ALPK3: variants seen among roughly 807,000 people sequenced by gnomAD.
The protein encoded by ALPK3 is alpha kinase 3.
A neutral mutation model predicts 140.0 loss-of-function variants in ALPK3; 102 were observed. The ratio of observed to expected loss-of-function variants is 0.73; its 90% CI spans 0.62 to 0.86. The LOEUF (loss-of-function observed/expected upper bound fraction) is 0.86. Among genes scored for constraint, ALPK3 ranks in the 40% least tolerant of loss-of-function variants. ALPK3 has a pLI of 0.00. For synonymous variants in ALPK3, 938 were observed against 898.5 expected (o/e 1.04, Z -0.79); for missense variants, 2,254 against 2,208.2 (o/e 1.02, Z -0.42).
chr15:84,840,975 T>C, intron 5 of ALPK3, 43 bp downstream of exon 5: 1 of 1,513,408 alleles, frequency 6.6e-7, no homozygotes, highest in Admixed American at 2.3e-5. Context: ...TCTGGGAAGC[T>C]GACCTCATGG....
At chr15:84,867,862 T>G (rs952722416) in intron 13 of ALPK3, among the ~76,000 whole-genome samples, 2 of 152,110 alleles carry the variant, frequency 1.3e-5, no homozygotes, top group African/African-American at 4.8e-5. Flanking sequence ...GGAGGATTTC[T>G]TGAGCCCAGG....
chr15:84,865,156 A>T (rs1485170198), intron 12 of ALPK3, among the ~76,000 whole-genome samples: 1 of 152,040 alleles, frequency 6.6e-6, no homozygotes, highest in African/African-American at 2.4e-5. Context: ...TTTTAGTTTT[A>T]TTCCTACGCC....
At position 84,864,492 on chromosome 15, in the gene ALPK3, C is replaced by T. The variant is rs890229989; in HGVS notation, c.4550C>T (p.Ala1517Val). ...IYRPANNIPY[A>V]TLEEDLGKPL... ...CGGCCTGCAAACAATATCCCATATG[C>T]TACCCTGGAGGAAGACCTGGGCAAG... The change falls in exon 12 of 14, where the codon GCT becomes GTT. Residue 1517 changes from alanine to valine, a missense_variant. By Grantham distance (64) the Ala-to-Val change is moderately conservative. This residue lies in a region of ALPK3 where 2,088 missense variants were observed against 2,022.9 expected (regional missense o/e 1.03). Coordinates refer to ENST00000258888, the MANE Select transcript of ALPK3 (RefSeq NM_020778.5). The T allele has an allele frequency of 1.2e-6, 2 of 1,614,200 alleles. No homozygotes were observed. The highest frequency in any genetic ancestry group is 8.5e-7 in the Non-Finnish European group (1 of 1,180,032).
chr15:84,842,466 G>C (rs1234890430), intron 5 of ALPK3, among the ~76,000 whole-genome samples: 2 of 152,020 alleles, frequency 1.3e-5, no homozygotes, highest in Non-Finnish European at 2.9e-5. Context: ...GGGGGAACAG[G>C]AGGAAAGCAG....
chr15:84,859,240 C>T lies in ALPK3; in HGVS notation c.3818-3C>T, dbSNP rs758948501. ...TCCCCTCTTGACTGGGCCCTGCTCT[C>T]AGCCCCACAGGTGATCCGGAAGATT... On this transcript the variant is annotated splice_polypyrimidine_tract_variant and splice_region_variant and intron_variant, in intron 6 of 13. Coordinates refer to ENST00000258888, the MANE Select transcript of ALPK3 (RefSeq NM_020778.5). 107 of 1,613,884 alleles carry T rather than the reference C, an allele frequency of 6.6e-5. No individual in the cohort carries two copies. The South Asian group carries it at 1.1e-3, about 17-fold the overall frequency.
In ALPK3 at chr15:84,868,539, GAACT is replaced by G. The variant is rs1408687964; in HGVS notation, c.*88_*91del. 1.5e-5 allele frequency: 20 copies of G among 1,309,002 alleles called. No individual in the cohort carries two copies. The highest frequency in any genetic ancestry group is 2.1e-5 in the Non-Finnish European group (20 of 974,024). 81.1% of individuals were successfully genotyped at this position (1,309,002 alleles called of 1,614,324 possible). The stretch of plus-strand genomic sequence containing the variant: ...ACTGGATGGAGACTTTCCAAATATG[GAACT>G]AACTGGAGAAGGTGCACGAAGGAGA... On this transcript the variant is annotated 3_prime_UTR_variant, in exon 14 of 14. Coordinates refer to ENST00000258888, the MANE Select transcript of ALPK3 (RefSeq NM_020778.5).
intron 5 of ALPK3, among the ~76,000 whole-genome samples, chr15:84,849,048 A>C (rs1363621771): frequency 6.6e-6 from 1 of 152,162 alleles, no homozygotes; most frequent in Admixed American, 6.5e-5. Context: ...AGGCTGAAGC[A>C]GGAGAATCAC....
At position 84,858,139 on chromosome 15, in the gene ALPK3, C is replaced by T. The variant is rs139666355; in HGVS notation, c.3401C>T (p.Ala1134Val). 1,352 of 1,601,886 alleles carry T rather than the reference C, an allele frequency of 8.4e-4. 7 individuals carry two copies. The Middle Eastern group carries it at 9.3e-3, about 11-fold the overall frequency. The change falls in exon 6 of 14, where the codon GCC becomes GTC. Residue 1134 changes from alanine (A) to valine (V), a missense_variant. By Grantham distance (64) the Ala-to-Val change is moderately conservative. This residue lies in a region of ALPK3 where 2,088 missense variants were observed against 2,022.9 expected (regional missense o/e 1.03). Transcript: ENST00000258888. Reference sequence around the variant, plus strand: ...CAGGGGCCCTCAGCAGAGAGCATAGCCCAGGAGCCCTCCCAAGAGGAGAAG... The same window carrying T: ...CAGGGGCCCTCAGCAGAGAGCATAGTCCAGGAGCCCTCCCAAGAGGAGAAG... Reference protein sequence around the residue: ...PGQGPSAESIAQEPSQEEKFP... With the variant: ...PGQGPSAESIVQEPSQEEKFP...
intron 12 of ALPK3, among the ~76,000 whole-genome samples, chr15:84,866,939 A>G (rs1964009691): frequency 2.0e-5 from 3 of 152,198 alleles, no homozygotes; most frequent in Admixed American, 2.0e-4. Context: ...AAAAAAACGG[A>G]ACCCTTATTT....
intron 3 of ALPK3, among the ~76,000 whole-genome samples, chr15:84,832,946 G>C (rs887218614): frequency 2.0e-5 from 3 of 152,180 alleles, no homozygotes; most frequent in Non-Finnish European, 4.4e-5. Context: ...TGTCAGACAT[G>C]AGTCTGGCTT....
At chr15:84,830,897 T>C (rs985148655) in intron 3 of ALPK3, among the ~76,000 whole-genome samples, 1 of 149,194 alleles carries the variant, frequency 6.7e-6, no homozygotes, top group Non-Finnish European at 1.5e-5. Flanking sequence ...GTGTGTGTGA[T>C]AGAGACTAAG....
At position 84,859,294 on chromosome 15, in the gene ALPK3, G is replaced by T; in HGVS notation, c.3869G>T (p.Gly1290Val). 6.2e-7 allele frequency: 1 copy of T among 1,614,184 alleles called. No homozygotes were observed. Among genetic ancestry groups the T allele is most frequent in the Non-Finnish European group, 8.5e-7 (1 of 1,180,016 alleles). ...IRVEQFPDAS[G>V]SLKLWCQFFN... ...GTGGAGCAGTTTCCTGATGCCTCCGGTAGCCTGAAGCTGTGGTGCCAGTTT... is the reference window on the plus strand; with the variant it reads ...GTGGAGCAGTTTCCTGATGCCTCCGTTAGCCTGAAGCTGTGGTGCCAGTTT... The change falls in exon 7 of 14, where the codon GGT becomes GTT. Residue 1290 changes from glycine (G) to valine (V), a missense_variant. Transcript: ENST00000258888.
At position 84,858,317 on chromosome 15, in the gene ALPK3, C is replaced by T; in HGVS notation, c.3579C>T (p.Pro1193=). The T allele has an allele frequency of 6.4e-7, 1 of 1,564,900 alleles. No individual in the cohort carries two copies. The highest frequency in any genetic ancestry group is 8.7e-7 in the Non-Finnish European group (1 of 1,154,942). ...AAAGGGAGAGCCCCACGGTTTCCCC[C>T]CGGGGGCCCAGGAAAAGCCTGGTGC... ...PEERESPTVS[P]RGPRKSLVPG... Residue 1193 remains proline (P), a synonymous_variant, in exon 6 of 14, where the codon CCC becomes CCT. Transcript: ENST00000258888.
At position 84,858,439 on chromosome 15, in the gene ALPK3, C is replaced by T. The variant is rs1009090950; in HGVS notation, c.3701C>T (p.Ala1234Val). ...LEVPRAEEEL[A>V]AGDLGPSPKA... ...GTGCCTCGGGCAGAGGAGGAGCTGG[C>T]GGCAGGAGACCTGGGCCCCAGCCCC... The change falls in exon 6 of 14, where the codon GCG becomes GTG. Residue 1234 changes from alanine (A) to valine (V), a missense_variant. Coordinates refer to ENST00000258888, the MANE Select transcript of ALPK3 (RefSeq NM_020778.5). The T allele has an allele frequency of 1.5e-5, 24 of 1,564,248 alleles. No individual in the cohort carries two copies. The African/African-American group carries it at 2.4e-4, about 16-fold the overall frequency.
chr15:84,849,811 T>C (rs1423702501), intron 5 of ALPK3, among the ~76,000 whole-genome samples: 4 of 151,740 alleles, frequency 2.6e-5, no homozygotes, highest in Non-Finnish European at 4.4e-5. Context: ...AAAAAGGATC[T>C]GAAATATCAA....
chr15:84,825,023 G>A (rs137896325), intron 2 of ALPK3, among the ~76,000 whole-genome samples: 295 of 152,252 alleles, frequency 1.9e-3, no homozygotes, highest in African/African-American at 6.8e-3. Flanking sequence ...CCCTGAAAGA[G>A]AAGGCTTTCA....
intron 5 of ALPK3, among the ~76,000 whole-genome samples, chr15:84,853,952 T>A (rs1454713317): frequency 6.6e-6 from 1 of 152,112 alleles, no homozygotes; most frequent in Non-Finnish European, 1.5e-5. Flanking sequence ...AGTTTGAGAC[T>A]ACCCTGGCCA....
rs2141570151 is a variant in ALPK3, at chr15:84,859,243, C to G, written c.3818C>G (p.Ala1273Gly). ...CCTCTTGACTGGGCCCTGCTCTCAG[C>G]CCCACAGGTGATCCGGAAGATTCGG... ...KPRKAKDLLK[A>G]PQVIRKIRVE... Residue 1273 changes from alanine to glycine, a missense_variant and splice_region_variant, in exon 7 of 14, where the codon GCC (alanine) becomes GGC (glycine). Around this residue, in one of 3 missense-constraint regions of ALPK3, gnomAD observed 2,088 missense variants for 2,022.9 expected, o/e 1.03. Transcript: ENST00000258888. 1.2e-6 allele frequency: 2 copies of G among 1,614,002 alleles called. No homozygotes were observed. Among genetic ancestry groups the G allele is most frequent in the Non-Finnish European group, 1.7e-6 (2 of 1,179,984 alleles).
At chr15:84,823,660 A>G (rs1426030477) in intron 2 of ALPK3, among the ~76,000 whole-genome samples, 1 of 152,190 alleles carries the variant, frequency 6.6e-6, no homozygotes. Context: ...AGGAGACACC[A>G]TGGGAACAGA....
Sources: allele counts gnomAD v4.1 joint callset (sites outside exome capture counted in the v4.1 genomes callset), GRCh38; gene constraint gnomAD v4.1.1; regional missense constraint gnomAD v4.1.1; transcripts MANE v1.5; gene names NCBI Gene and HGNC (gene_info 2026-07-23, HGNC 2026-07-21).